The following RASA2 variants were observed in gnomAD, a reference collection of about 807,000 sequenced individuals.
The protein encoded by RASA2 is ras GTPase-activating protein 2.
Under a neutral mutation model 118.2 loss-of-function variants are expected in RASA2, and 155 were observed. The ratio of observed to expected loss-of-function variants is 1.31; its 90% CI spans 1.15 to 1.50. The LOEUF is 1.50. Among genes scored for constraint, RASA2 ranks in the 40% most tolerant of loss-of-function variants. RASA2 has a pLI of 0.00. For synonymous variants in RASA2, 353 were observed against 349.1 expected, an observed-to-expected ratio of 1.01 and a Z score of -0.12; for missense variants, 1,016 against 1,009.6, an observed-to-expected ratio of 1.01 and a Z score of -0.09.
chr3:141,582,955 T>A (rs1165546670), intron 17 of RASA2, among the ~76,000 whole-genome samples: 1 of 152,182 alleles, frequency 6.6e-6, no homozygotes. Flanking sequence ...CAGAACACTT[T>A]TAAGAGTGAA....
intron 19 of RASA2, among the ~76,000 whole-genome samples, chr3:141,601,750 G>T (rs1442157941): frequency 6.6e-6 from 1 of 152,066 alleles, no homozygotes; most frequent in East Asian, 1.9e-4. Context: ...CCAAATTTGG[G>T]ACTTTTTTGA....
chr3:141,595,253 G>C (rs1236663377), intron 19 of RASA2, among the ~76,000 whole-genome samples: 1 of 152,108 alleles, frequency 6.6e-6, no homozygotes, highest in Non-Finnish European at 1.5e-5. Context: ...CTTAAACCCA[G>C]CCATATCAAT....
chr3:141,532,057 A>G (rs557436087), intron 4 of RASA2, among the ~76,000 whole-genome samples: 5 of 152,242 alleles, frequency 3.3e-5, no homozygotes, highest in Admixed American at 3.3e-4. Context: ...GATAATTACT[A>G]TTAGTAATTA....
chr3:141,524,744 C>T (rs1319057012), intron 3 of RASA2, among the ~76,000 whole-genome samples: 1 of 152,030 alleles, frequency 6.6e-6, no homozygotes, highest in Non-Finnish European at 1.5e-5. Context: ...GCGCACACTG[C>T]CACGCTCGGC....
chr3:141,606,117 C>T (rs1480940733), intron 19 of RASA2, among the ~76,000 whole-genome samples: 1 of 152,142 alleles, frequency 6.6e-6, no homozygotes, highest in Admixed American at 6.6e-5. Context: ...CTGAGTGCCC[C>T]CAACCTTCAG....
intron 7 of RASA2, among the ~76,000 whole-genome samples, chr3:141,556,986 C>T (rs1339527202): frequency 1.3e-5 from 2 of 152,172 alleles, no homozygotes; most frequent in South Asian, 2.1e-4. Flanking sequence ...TTATTAATGG[C>T]GGTTGCATCT....
intron 19 of RASA2, among the ~76,000 whole-genome samples, chr3:141,599,245 T>G (rs900605745): frequency 1.3e-5 from 2 of 150,636 alleles, no homozygotes; most frequent in Non-Finnish European, 1.5e-5. Flanking sequence ...TTTTGGGTTT[T>G]TTTTTTTTTT....
chr3:141,517,331 A>T (rs2151085023), intron 3 of RASA2, among the ~76,000 whole-genome samples: 1 of 152,342 alleles, frequency 6.6e-6, no homozygotes, highest in South Asian at 2.1e-4. Context: ...TTTATAAAGA[A>T]TATAGGTTTA....
At chr3:141,510,599 G>A (rs1007602963) in intron 1 of RASA2, among the ~76,000 whole-genome samples, 1 of 152,200 alleles carries the variant, frequency 6.6e-6, no homozygotes, top group African/African-American at 2.4e-5. Flanking sequence ...TATGGTAGCA[G>A]AACTATGTGC....
intron 1 of RASA2, among the ~76,000 whole-genome samples, chr3:141,493,619 G>A (rs2081664334): frequency 7.1e-6 from 1 of 140,188 alleles, no homozygotes; most frequent in Non-Finnish European, 1.5e-5. Context: ...AAAGGTATCA[G>A]TAGAAAGGTT....
intron 1 of RASA2, among the ~76,000 whole-genome samples, chr3:141,497,355 TA>T (rs1281182907): frequency 6.6e-6 from 1 of 151,812 alleles, no homozygotes; most frequent in East Asian, 1.9e-4. Context: ...GCCTTATCTG[TA>T]ATGGTTTGAT....
intron 7 of RASA2, among the ~76,000 whole-genome samples, chr3:141,556,896 G>GA (rs142470754): frequency 3.6e-4 from 52 of 145,792 alleles, no homozygotes; most frequent in East Asian, 1.2e-3. Context: ...AAGCAAGGGA[G>GA]AAAAAAAAAA....
chr3:141,553,853 T>G lies in RASA2; in HGVS notation c.528-4T>G, dbSNP rs201832322. On this transcript the variant is annotated splice_polypyrimidine_tract_variant and splice_region_variant and intron_variant, in intron 5 of 23. Coordinates refer to ENST00000286364, the MANE Select transcript of RASA2 (RefSeq NM_006506.5). ...TATGTTAAATCTCTTTTATTCTACC[T>G]TAGCATCAAGGCATGCCATGGGTTG... is the stretch of plus-strand genomic sequence containing the variant. The G allele has an allele frequency of 1.4e-4, 222 of 1,608,862 alleles. No individual in the cohort carries two copies. The highest frequency in any genetic ancestry group is 9.8e-4 in the Admixed American group (58 of 58,890).
intron 17 of RASA2, among the ~76,000 whole-genome samples, chr3:141,583,339 C>T (rs1230627957): frequency 3.9e-5 from 6 of 152,140 alleles, no homozygotes; most frequent in Non-Finnish European, 5.9e-5. Flanking sequence ...GCGAGAGAAT[C>T]GCTTGAACCC....
chr3:141,503,319 A>C (rs1577646618), intron 1 of RASA2, among the ~76,000 whole-genome samples: 1 of 152,216 alleles, frequency 6.6e-6, no homozygotes, highest in Non-Finnish European at 1.5e-5. Flanking sequence ...AGAAGCATAT[A>C]CATCAGAATC....
chr3:141,601,197 C>T (rs1028599519), intron 19 of RASA2, among the ~76,000 whole-genome samples: 1 of 152,168 alleles, frequency 6.6e-6, no homozygotes, highest in African/African-American at 2.4e-5. Context: ...GAGGCTGCGG[C>T]AGACAGATTG....
At chr3:141,498,972 C>T (rs1483726249) in intron 1 of RASA2, among the ~76,000 whole-genome samples, 2 of 152,250 alleles carry the variant, frequency 1.3e-5, no homozygotes, top group South Asian at 2.1e-4. Context: ...AAACTGAAAC[C>T]GGAAGTGGGC....
chr3:141,502,736 T>C (rs182004509), intron 1 of RASA2, among the ~76,000 whole-genome samples: 1 of 152,358 alleles, frequency 6.6e-6, no homozygotes, highest in Admixed American at 6.5e-5. Flanking sequence ...GCTATTATTA[T>C]GATTTGGCTT....
intron 10 of RASA2, among the ~76,000 whole-genome samples, 166 bp from the exon 11 acceptor site, chr3:141,571,240 T>C (rs1349016224): frequency 6.6e-6 from 1 of 152,208 alleles, no homozygotes; most frequent in Non-Finnish European, 1.5e-5. Flanking sequence ...GTACTATGAT[T>C]CCTACATGTG....
Sources: gnomAD v4.1 joint callset for allele counts (sites outside exome capture counted in the v4.1 genomes callset) on GRCh38, gnomAD v4.1.1 for gene constraint, MANE v1.5 for transcripts, NCBI Gene and HGNC (gene_info 2026-07-23, HGNC 2026-07-21) for gene names.